SEC11A: variants seen among roughly 807,000 people sequenced by gnomAD.
The protein encoded by SEC11A is SEC11 homolog A, signal peptidase complex subunit.
A neutral mutation model predicts 25.6 loss-of-function variants in SEC11A; 14 were observed. That is an observed-to-expected ratio of 0.55 (90% confidence interval 0.36 to 0.85). The LOEUF (loss-of-function observed/expected upper bound fraction) is 0.85, where lower values mean the gene tolerates loss of function less well. Among genes scored for constraint, SEC11A ranks in the 40% least tolerant of loss-of-function variants. SEC11A has a pLI of 0.01. For missense variants in SEC11A, 153 were observed against 222.9 expected, an observed-to-expected ratio of 0.69 and a Z score of 2.00; for synonymous variants, 83 against 76.4, an observed-to-expected ratio of 1.09 and a Z score of -0.45.
intron 3 of SEC11A, among the ~76,000 whole-genome samples, chr15:84,685,718 T>G (rs1416710725): frequency 6.6e-6 from 1 of 151,690 alleles, no homozygotes; most frequent in Non-Finnish European, 1.5e-5. Flanking sequence ...TTGCTGAGAA[T>G]GAACAACACA....
At chr15:84,683,042 G>A (rs1483888073) in intron 3 of SEC11A, among the ~76,000 whole-genome samples, 1 of 151,964 alleles carries the variant, frequency 6.6e-6, no homozygotes, top group East Asian at 1.9e-4. Context: ...ACCAAAGATG[G>A]TTAAGTGCAA....
chr15:84,682,846 T>C (rs903977934), intron 3 of SEC11A, among the ~76,000 whole-genome samples: 2 of 152,214 alleles, frequency 1.3e-5, no homozygotes, highest in Non-Finnish European at 2.9e-5. Context: ...AAGCAAAGTA[T>C]ATTTTACAGT....
At chr15:84,701,368 G>A (rs1488758137) in intron 1 of SEC11A, among the ~76,000 whole-genome samples, 1 of 151,298 alleles carries the variant, frequency 6.6e-6, no homozygotes, top group Non-Finnish European at 1.5e-5. Flanking sequence ...TGCCTAGGGT[G>A]GAGTGCAATG....
intron 4 of SEC11A, among the ~76,000 whole-genome samples, chr15:84,678,657 TCTC>T (rs898664666): frequency 1.3e-5 from 2 of 152,160 alleles, no homozygotes; most frequent in Non-Finnish European, 2.9e-5. Flanking sequence ...GTGTGACCAT[TCTC>T]CTTTCACACA....
intron 3 of SEC11A, among the ~76,000 whole-genome samples, chr15:84,681,897 G>A (rs910552776): frequency 6.6e-6 from 1 of 152,040 alleles, no homozygotes; most frequent in African/African-American, 2.4e-5. Flanking sequence ...TGGGCAACAT[G>A]GCAAAGCAAA....
At chr15:84,679,848 C>A in intron 4 of SEC11A, 3 of 962,166 alleles carry the variant, frequency 3.1e-6, no homozygotes, top group African/African-American at 1.6e-5. Flanking sequence ...CACAATAAGC[C>A]CTAATAAACG....
chr15:84,691,541 A>G lies in SEC11A; in HGVS notation c.155T>C (p.Val52Ala). The G allele has an allele frequency of 6.3e-7, 1 of 1,588,554 alleles. No individual in the cohort carries two copies. The highest frequency in any genetic ancestry group is 8.6e-7 in the Non-Finnish European group (1 of 1,158,276). ...ITGSESPIVV[V>A]LSGSMEPAFH... Reference sequence around the variant, plus strand: ...TGAAAGGAAAAACTGTTACCTGAGCACCACTACAATCGGACTTTCACTTCC... The same window carrying G: ...TGAAAGGAAAAACTGTTACCTGAGCGCCACTACAATCGGACTTTCACTTCC... Residue 52 changes from valine (V) to alanine (A), a missense_variant, in exon 2 of 6, where the codon GTG becomes GCG. Physicochemically the swap from Val to Ala is moderately conservative, Grantham distance 64 (BLOSUM62 0). Coordinates refer to ENST00000268220, the MANE Select transcript of SEC11A (RefSeq NM_014300.4).
rs150374364 is a variant in SEC11A at position 84,712,449 on chromosome 15, C to CT, written c.51+3575dup. 1.6e-3 allele frequency among the ~76,000 whole-genome samples: 210 copies of CT among 130,230 alleles called. 1 individual carries two copies. The highest frequency in any genetic ancestry group is 7.6e-3 in the Middle Eastern group (2 of 264). 85.4% of individuals were successfully genotyped at this position (130,230 alleles called of 152,430 possible). A position where few individuals can be genotyped will look rare whatever the true frequency, so the allele number is the denominator to read the frequency against. On this transcript the variant is annotated intron_variant, in intron 1 of 5. Transcript: ENST00000268220. ...TGAAACATACTCTTTTCTTTTTTTT[C>CT]TTTTTTTTTTTTTTTTGAGATAGAG...
At chr15:84,691,670 A>G (rs989767555) in intron 1 of SEC11A, 26 bp from the exon 2 acceptor site, 2 of 1,342,254 alleles carry the variant, frequency 1.5e-6, no homozygotes, top group Non-Finnish European at 2.1e-6. Flanking sequence ...AGAAGAGATC[A>G]GATCCACCAT....
chr15:84,695,900 C>G (rs1331021401), intron 1 of SEC11A, among the ~76,000 whole-genome samples: 1 of 152,156 alleles, frequency 6.6e-6, no homozygotes, highest in East Asian at 1.9e-4. Flanking sequence ...ATACATACTT[C>G]ATGTTTTTAC....
At chr15:84,693,724 G>A (rs1427186247) in intron 1 of SEC11A, among the ~76,000 whole-genome samples, 1 of 152,056 alleles carries the variant, frequency 6.6e-6, no homozygotes, top group Admixed American at 6.6e-5. Context: ...ACGTCCCAAA[G>A]TGCTGGGATG....
intron 1 of SEC11A, among the ~76,000 whole-genome samples, chr15:84,700,593 C>CAAAAAAAAAAAAAA (rs776113920): frequency 5.5e-5 from 2 of 36,102 alleles, no homozygotes; most frequent in Non-Finnish European, 8.7e-5. Context: ...GACTCTGTCT[C>CAAAAAAAAAAAAAA]AAAAAAAAAA....
intron 4 of SEC11A, among the ~76,000 whole-genome samples, chr15:84,675,245 A>T (rs889166345): frequency 1.3e-5 from 2 of 152,234 alleles, no homozygotes; most frequent in African/African-American, 4.8e-5. Context: ...TCTAGAAGGT[A>T]AAATGCATTT....
intron 1 of SEC11A, among the ~76,000 whole-genome samples, chr15:84,702,135 C>T (rs939409853): frequency 6.6e-6 from 1 of 151,202 alleles, no homozygotes; most frequent in Non-Finnish European, 1.5e-5. Context: ...AAATTCTAAA[C>T]ATTTCTGCAA....
At chr15:84,678,390 G>A (rs766615999) in intron 4 of SEC11A, among the ~76,000 whole-genome samples, 1 of 152,104 alleles carries the variant, frequency 6.6e-6, no homozygotes, top group Non-Finnish European at 1.5e-5. Context: ...AAGAATGATT[G>A]GGCAGAAATG....
At chr15:84,680,869 C>G (rs569269916) in intron 3 of SEC11A, 37 bp from the exon 4 acceptor site, 2 of 1,555,616 alleles carry the variant, frequency 1.3e-6, no homozygotes, top group Non-Finnish European at 1.7e-6. Flanking sequence ...CATCAAATAC[C>G]TTCATGGCAT....
At position 84,687,679 on chromosome 15, in the gene SEC11A, C is replaced by T. The variant is rs778975249; in HGVS notation, c.257G>A (p.Arg86Lys). 2 of 1,601,332 alleles carry T rather than the reference C, an allele frequency of 1.2e-6. No homozygotes were observed. Among genetic ancestry groups the T allele is most frequent in the East Asian group, 2.2e-5 (1 of 44,546 alleles). Residue 86 changes from arginine (R) to lysine (K), a missense_variant, in exon 3 of 6, where the codon AGG (arginine) becomes AAG (lysine). Physicochemically the swap from Arg to Lys is conservative, Grantham distance 26. Transcript: ENST00000268220. ...PIRVGEIVVF[R>K]IEGREIPIVH... ...TATAGGAATCTCTCTTCCTTCTATC[C>T]TAAAAACAACAATTTCTCCCACTCG...
chr15:84,702,156 G>A (rs550889517), intron 1 of SEC11A, among the ~76,000 whole-genome samples: 13 of 149,824 alleles, frequency 8.7e-5, no homozygotes, highest in East Asian at 4.1e-4. Context: ...CTAATAACCC[G>A]GCTAATTTTT....
chr15:84,692,776 T>G (rs1369719095), intron 1 of SEC11A, among the ~76,000 whole-genome samples: 1 of 152,160 alleles, frequency 6.6e-6, no homozygotes, highest in African/African-American at 2.4e-5. Flanking sequence ...AAGCATATAT[T>G]AAGGTCCAAC....
Sources: allele counts gnomAD v4.1 joint callset (sites outside exome capture counted in the v4.1 genomes callset), GRCh38; gene constraint gnomAD v4.1.1; transcripts MANE v1.5; gene names NCBI Gene and HGNC (gene_info 2026-07-23, HGNC 2026-07-21).